The following C1orf94 variants were observed in gnomAD, a reference collection of about 807,000 sequenced individuals.
C1orf94 encodes chromosome 1 open reading frame 94.
In C1orf94, 45 loss-of-function variants were observed where a neutral mutation model predicts 53.6. The observed-to-expected ratio is 0.84, with a 90% CI of 0.66 to 1.08. The LOEUF is 1.08. Among genes scored for constraint, C1orf94 ranks in the 50% least tolerant of loss-of-function variants. C1orf94 has a pLI of 0.00. For missense variants in C1orf94, 762 were observed against 738.9 expected (o/e 1.03, Z -0.36); for synonymous variants, 304 against 296.1 (o/e 1.03, Z -0.27).
chr1:34,217,047 T>G lies in C1orf94; in HGVS notation c.1722-1639T>G, dbSNP rs556012097. ...GTGAGTCAAGATCATGCCACTGCACTCCAGCCTGGGTGACAGAGTAAGACT... is the reference window on the plus strand; with the variant it reads ...GTGAGTCAAGATCATGCCACTGCACGCCAGCCTGGGTGACAGAGTAAGACT... On this transcript the variant is annotated intron_variant, in intron 6 of 6. Transcript: ENST00000488417. Among the ~76,000 whole-genome samples, 14 of 152,284 alleles carry G rather than the reference T, an allele frequency of 9.2e-5. No individual in the cohort carries two copies. The East Asian group carries it at 2.7e-3, about 29-fold the overall frequency.
At position 34,198,944 on chromosome 1, in the gene C1orf94, C is replaced by A. The variant is rs1018614091; in HGVS notation, c.1009+1031C>A. 2.6e-5 allele frequency among the ~76,000 whole-genome samples: 4 copies of A among 152,254 alleles called. No homozygotes were observed. The East Asian group carries it at 7.7e-4, about 29-fold the overall frequency. On this transcript the variant is annotated intron_variant, in intron 2 of 6. Coordinates refer to ENST00000488417, the MANE Select transcript of C1orf94 (RefSeq NM_001134734.2). ...CTCCTACCTCTTCTCCAGAAGGGAC[C>A]CATAGATATTTCCCTGTTGGATGGG...
In C1orf94 at chr1:34,197,718, G is replaced by A; in HGVS notation, c.814G>A (p.Asp272Asn). 1 of 1,614,136 alleles carries A rather than the reference G, an allele frequency of 6.2e-7. No homozygotes were observed. Among genetic ancestry groups the A allele is most frequent in the Non-Finnish European group, 8.5e-7 (1 of 1,180,020 alleles). Residue 272 changes from aspartate to asparagine, a missense_variant, in exon 2 of 7, where the codon GAC becomes AAC. Coordinates refer to ENST00000488417, the MANE Select transcript of C1orf94 (RefSeq NM_001134734.2). The surrounding 1 kb of genome is among the most constrained non-coding windows in gnomAD (Gnocchi z 4.1). ...AAGGGTCACCAAGGACTTCCTACAG[G>A]ACAACCTGTTCAGTGGCCCTGGACC... is the stretch of plus-strand genomic sequence containing the variant. ...KTRVTKDFLQ[D>N]NLFSGPGPKE...
At position 34,177,978 on chromosome 1, in the gene C1orf94, C is replaced by T; in HGVS notation, c.189C>T (p.Asp63=). 1 of 1,551,764 alleles carries T rather than the reference C, an allele frequency of 6.4e-7. No individual in the cohort carries two copies. The highest frequency in any genetic ancestry group is 8.7e-7 in the Non-Finnish European group (1 of 1,147,014). The change falls in exon 1 of 7, where the codon GAC becomes GAT. Residue 63 remains aspartate, a synonymous_variant. Transcript: ENST00000488417. ...IHQDTPQDSL[D]KTCHEIWKRV... Reference sequence around the variant, plus strand: ...AGGACACACCCCAAGACAGCCTAGACAAGACTTGCCATGAAATCTGGAAGA... The same window carrying T: ...AGGACACACCCCAAGACAGCCTAGATAAGACTTGCCATGAAATCTGGAAGA...
chr1:34,173,295 T>G (rs1383670724), upstream of C1orf94, among the ~76,000 whole-genome samples: 1 of 152,246 alleles, frequency 6.6e-6, no homozygotes, highest in Non-Finnish European at 1.5e-5. Context: ...AATTTTCCTC[T>G]ATAGCCAAAA....
At position 34,178,084 on chromosome 1, in the gene C1orf94, G is replaced by A; in HGVS notation, c.295G>A (p.Gly99Ser). 1.3e-6 allele frequency: 2 copies of A among 1,551,638 alleles called. No individual in the cohort carries two copies. Among genetic ancestry groups the A allele is most frequent in the Non-Finnish European group, 1.7e-6 (2 of 1,146,928 alleles). Residue 99 changes from glycine (G) to serine (S), a missense_variant, in exon 1 of 7, where the codon GGC (glycine) becomes AGC (serine). Physicochemically the swap from Gly to Ser is moderately conservative, Grantham distance 56. Coordinates refer to ENST00000488417, the MANE Select transcript of C1orf94 (RefSeq NM_001134734.2). ...TGTCCCTGTGGTTGGAACTCTAAGAGGCAATGAGCTCAGCTTTCAAGAAGA... is the reference window on the plus strand; with the variant it reads ...TGTCCCTGTGGTTGGAACTCTAAGAAGCAATGAGCTCAGCTTTCAAGAAGA... ...LSVPVVGTLR[G>S]NELSFQEEAL... is the part of the protein sequence containing the mutation.
intron 2 of C1orf94, among the ~76,000 whole-genome samples, chr1:34,200,436 G>A (rs1020930581): frequency 7.2e-5 from 11 of 152,156 alleles, no homozygotes; most frequent in African/African-American, 2.7e-4. Flanking sequence ...TGGAAGGAAG[G>A]CAGGAAGATA....
chr1:34,205,790 C>T (rs1438652368), intron 4 of C1orf94, among the ~76,000 whole-genome samples: 2 of 152,076 alleles, frequency 1.3e-5, no homozygotes, highest in East Asian at 3.9e-4. Context: ...CCAATTTACT[C>T]AGAGCTCTGT....
chr1:34,200,849 G>A lies in C1orf94; in HGVS notation c.1087G>A (p.Asp363Asn), dbSNP rs1184814456. 1.2e-6 allele frequency: 2 copies of A among 1,614,200 alleles called. No individual in the cohort carries two copies. The highest frequency in any genetic ancestry group is 1.7e-6 in the Non-Finnish European group (2 of 1,180,034). The change falls in exon 3 of 7, where the codon GAC (aspartate) becomes AAC (asparagine). Residue 363 changes from aspartate (D) to asparagine (N), a missense_variant. By Grantham distance (23) the Asp-to-Asn change is conservative (BLOSUM62 1). Transcript: ENST00000488417. ...CAGCCAGTGGCCCCAGAGCCAGAAG[G>A]ACGCCTGTGGTGAGGAGGGTTGCTG... ...FLSQWPQSQK[D>N]ACGEEGCCDA...
upstream of C1orf94, among the ~76,000 whole-genome samples, chr1:34,172,363 T>C (rs1642157795): frequency 6.6e-6 from 1 of 152,228 alleles, no homozygotes. Context: ...TAGCTAGTGA[T>C]AATCATAATT....
intron 1 of C1orf94, among the ~76,000 whole-genome samples, chr1:34,170,554 C>G (rs184995395): frequency 1.3e-5 from 2 of 152,112 alleles, no homozygotes; most frequent in East Asian, 3.8e-4. Flanking sequence ...TCTGACTCAA[C>G]AGTCTCTCCA....
rs141420519 is a variant in C1orf94, at chr1:34,204,115, G to A, written c.1446+1856G>A. 8.4e-3 allele frequency among the ~76,000 whole-genome samples: 1,283 copies of A among 152,248 alleles called. 22 individuals are homozygous for A. The highest frequency in any genetic ancestry group is 0.029 in the African/African-American group (1,201 of 41,530). ...CAAAGAAGGAAATACTTCCAACTCG[G>A]CTTGTCCTGTTGCTATGTCCCTTCC... On this transcript the variant is annotated intron_variant, in intron 4 of 6. Coordinates refer to ENST00000488417, the MANE Select transcript of C1orf94 (RefSeq NM_001134734.2).
intron 5 of C1orf94, among the ~76,000 whole-genome samples, chr1:34,208,673 G>A (rs1024734667): frequency 2.0e-5 from 3 of 152,120 alleles, no homozygotes; most frequent in South Asian, 2.1e-4. Context: ...TTTCTTGCTC[G>A]GGTCTATGGG....
chr1:34,172,781 T>A (rs1024574842), upstream of C1orf94, among the ~76,000 whole-genome samples: 8 of 152,274 alleles, frequency 5.3e-5, no homozygotes, highest in Non-Finnish European at 1.2e-4. Flanking sequence ...AGCCCTGTCC[T>A]GTTGCTGAGA....
intron 4 of C1orf94, 22 bp downstream of exon 4, chr1:34,202,281 T>A (rs773731063): frequency 3.7e-6 from 6 of 1,609,924 alleles, no homozygotes; most frequent in Non-Finnish European, 5.1e-6. Context: ...GGCCTGGCTC[T>A]CCTGTGGACA....
At chr1:34,167,114 A>G (rs1642044077) in exon 1 of C1orf94, 1 of 152,402 alleles carries the variant, frequency 6.6e-6, no homozygotes, top group Non-Finnish European at 1.5e-5. Context: ...CCCCCGAAAG[A>G]GAGGGCTCAG....
chr1:34,195,929 T>C lies in C1orf94; in HGVS notation c.321-1296T>C, dbSNP rs373192753. 1.4e-4 allele frequency among the ~76,000 whole-genome samples: 22 copies of C among 152,318 alleles called. No individual in the cohort carries two copies. The East Asian group carries it at 2.1e-3, about 15-fold the overall frequency. On this transcript the variant is annotated intron_variant, in intron 1 of 6. Transcript: ENST00000488417. ...GGCTGGCCAGAGCTGGAACCTGTGC[T>C]GGACCTCCAGACTGCAAAGCCTAAG...
At chr1:34,194,417 C>T (rs1176566727) in intron 1 of C1orf94, among the ~76,000 whole-genome samples, 1 of 152,076 alleles carries the variant, frequency 6.6e-6, no homozygotes, top group African/African-American at 2.4e-5. Context: ...GGAGTGACCT[C>T]CCAGGTGCTG....
chr1:34,192,693 G>C (rs1269351709), intron 1 of C1orf94, among the ~76,000 whole-genome samples: 2 of 152,160 alleles, frequency 1.3e-5, no homozygotes, highest in African/African-American at 4.8e-5. Flanking sequence ...GAGGAAGGTG[G>C]GGGAGGGACA....
In C1orf94 at chr1:34,197,727, T is replaced by C. The variant is rs1196213769; in HGVS notation, c.823T>C (p.Phe275Leu). Residue 275 changes from phenylalanine (F) to leucine (L), a missense_variant, in exon 2 of 7, where the codon TTC (phenylalanine) becomes CTC (leucine). Transcript: ENST00000488417. The surrounding 1 kb of genome is among the most constrained non-coding windows in gnomAD (Gnocchi z 4.1). ...VTKDFLQDNL[F>L]SGPGPKEPTG... ...CAAGGACTTCCTACAGGACAACCTG[T>C]TCAGTGGCCCTGGACCCAAGGAGCC... 1 of 1,613,976 alleles carries C rather than the reference T, an allele frequency of 6.2e-7. No homozygotes were observed. The highest frequency in any genetic ancestry group is 1.3e-5 in the African/African-American group (1 of 74,900).
Sources: gnomAD v4.1 joint callset for allele counts (sites outside exome capture counted in the v4.1 genomes callset) on GRCh38, gnomAD v4.1.1 for gene constraint, Gnocchi (gnomAD v3.1) non-coding constraint, MANE v1.5 for transcripts, NCBI Gene and HGNC (gene_info 2026-07-23, HGNC 2026-07-21) for gene names.